The following GCNT4 variants were observed in gnomAD, a reference collection of about 807,000 sequenced individuals.
GCNT4 encodes the protein glucosaminyl (N-acetyl) transferase 4.
Under a neutral mutation model 31.3 loss-of-function variants are expected in GCNT4, and 17 were observed. The ratio of observed to expected loss-of-function variants is 0.54; its 90% confidence interval spans 0.37 to 0.81. The LOEUF (loss-of-function observed/expected upper bound fraction) is 0.81, where lower values mean the gene tolerates loss of function less well. Among genes scored for constraint, GCNT4 ranks in the 40% least tolerant of loss-of-function variants. The probability of loss-of-function intolerance (pLI) is 0.00; values close to 1 mark genes in which losing one functional copy is unlikely to be tolerated. For synonymous variants in GCNT4, 158 were observed against 190.6 expected (o/e 0.83, Z 1.41); for missense variants, 503 against 525.5 (o/e 0.96, Z 0.42).
downstream of GCNT4, among the ~76,000 whole-genome samples, chr5:75,020,538 G>C (rs541054639): frequency 3.5e-4 from 53 of 152,104 alleles, no homozygotes; most frequent in Non-Finnish European, 4.6e-4. Flanking sequence ...GCTGATGAGA[G>C]AGCTGCTGAA....
chr5:75,031,077 CTCTT>C (rs973866154), intron 3 of GCNT4, among the ~76,000 whole-genome samples: 2 of 148,720 alleles, frequency 1.3e-5, no homozygotes, highest in South Asian at 2.1e-4. Context: ...AACTTTTTCT[CTCTT>C]TTTTTTTTTT....
At chr5:75,018,624 A>G in the GCNT4 span, among the ~76,000 whole-genome samples, 1 of 152,248 alleles carries the variant, frequency 6.6e-6, no homozygotes, top group African/African-American at 2.4e-5. Context: ...GGAGTGAATT[A>G]GATCTTCTGA....
chr5:75,032,874 T>TGGGG (rs1554062288), intron 3 of GCNT4, among the ~76,000 whole-genome samples: 58 of 46,678 alleles, frequency 1.2e-3, no homozygotes, highest in East Asian at 4.1e-3. Context: ...CAAATAGGGG[T>TGGGG]GTGTGTGTGT....
intron 2 of GCNT4, among the ~76,000 whole-genome samples, chr5:75,051,648 G>GT (rs1198917547): frequency 6.6e-6 from 1 of 152,204 alleles, no homozygotes; most frequent in Non-Finnish European, 1.5e-5. Flanking sequence ...GGAAGCACCT[G>GT]TATTTATGGC....
intron 3 of GCNT4, among the ~76,000 whole-genome samples, chr5:75,037,652 A>C (rs922949734): frequency 6.6e-6 from 1 of 152,032 alleles, no homozygotes; most frequent in Non-Finnish European, 1.5e-5. Flanking sequence ...GCCTGAGTGC[A>C]GATCACCTGA....
At chr5:75,034,817 C>T (rs1446344083) in intron 3 of GCNT4, among the ~76,000 whole-genome samples, 3 of 152,254 alleles carry the variant, frequency 2.0e-5, no homozygotes, top group South Asian at 2.1e-4. Context: ...TTGAATGAGG[C>T]ATTTCCCTCA....
At chr5:75,053,365 T>C (rs1260203490), upstream of GCNT4, among the ~76,000 whole-genome samples, 3 of 152,034 alleles carry the variant, frequency 2.0e-5, no homozygotes, top group South Asian at 2.1e-4. Flanking sequence ...CGCCTGGAGA[T>C]GGACGCGGCG....
At chr5:75,020,243 G>T in the GCNT4 span, among the ~76,000 whole-genome samples, 1 of 152,240 alleles carries the variant, frequency 6.6e-6, no homozygotes, top group South Asian at 2.1e-4. Flanking sequence ...CTGCCCTGCA[G>T]ATGCTGTGCA....
In GCNT4 at chr5:75,029,175, G is replaced by C; in HGVS notation, c.863C>G (p.Ser288Cys). 6.2e-7 allele frequency: 1 copy of C among 1,613,876 alleles called. No individual in the cohort carries two copies. The highest frequency in any genetic ancestry group is 8.5e-7 in the Non-Finnish European group (1 of 1,180,010). The change falls in exon 4 of 4, where the codon TCC (serine) becomes TGC (cysteine). Residue 288 changes from serine to cysteine, a missense_variant. Coordinates refer to ENST00000652361, the MANE Select transcript of GCNT4 (RefSeq NM_001366737.1). ...AATGTTATGGGGGGGTGCTTCCTTG[G>C]AGATGTTTGTCCTTATTGGTAGCTT... ...YVKLPIRTNI[S>C]KEAPPHNIQI... is the part of the protein sequence containing the mutation.
At chr5:75,052,254 A>G (rs2149982023) in intron 1 of GCNT4, 27 bp from the exon 2 acceptor site, 1 of 148,616 alleles carries the variant, frequency 6.7e-6, no homozygotes, top group South Asian at 2.1e-4. Flanking sequence ...CAAAAAAAAA[A>G]AAAAAAAGAA....
intron 3 of GCNT4, among the ~76,000 whole-genome samples, chr5:75,038,894 C>A (rs1278673054): frequency 6.6e-6 from 1 of 152,112 alleles, no homozygotes; most frequent in East Asian, 1.9e-4. Flanking sequence ...CCCAACTGCC[C>A]CTATTCAGGT....
chr5:75,042,540 C>T lies in GCNT4; in HGVS notation c.-2+5357G>A, dbSNP rs561968434. ...TGCATTTAAAGTAGAATCTCCATGTCCATCGCAGAGGCAGCACAGGGATAA... is the reference window on the plus strand; with the variant it reads ...TGCATTTAAAGTAGAATCTCCATGTTCATCGCAGAGGCAGCACAGGGATAA... On this transcript the variant is annotated intron_variant, in intron 3 of 3. Transcript: ENST00000652361. Among the ~76,000 whole-genome samples, 27 of 152,294 alleles carry T rather than the reference C, an allele frequency of 1.8e-4. No homozygotes were observed. The South Asian group carries it at 5.6e-3, about 32-fold the overall frequency.
chr5:75,032,698 T>C (rs1385270233), intron 3 of GCNT4, among the ~76,000 whole-genome samples: 1 of 152,066 alleles, frequency 6.6e-6, no homozygotes, highest in African/African-American at 2.4e-5. Flanking sequence ...CTGAACAGGG[T>C]CCCATCACTC....
intron 3 of GCNT4, among the ~76,000 whole-genome samples, chr5:75,043,506 C>G (rs778727223): frequency 6.6e-6 from 1 of 152,114 alleles, no homozygotes; most frequent in Non-Finnish European, 1.5e-5. Context: ...CCTATAGGAG[C>G]CTGATTCAGG....
intron 3 of GCNT4, among the ~76,000 whole-genome samples, chr5:75,035,486 C>T (rs1408832929): frequency 6.6e-6 from 1 of 152,156 alleles, no homozygotes; most frequent in Non-Finnish European, 1.5e-5. Flanking sequence ...AGACCTTGGG[C>T]CTGAGTCCCT....
At chr5:75,019,738 A>C in the GCNT4 span, among the ~76,000 whole-genome samples, 1 of 152,262 alleles carries the variant, frequency 6.6e-6, no homozygotes, top group East Asian at 1.9e-4. Flanking sequence ...ATATTTAGTA[A>C]TATACACAAG....
chr5:75,033,668 TA>T lies in GCNT4; in HGVS notation c.-1-3631del, dbSNP rs900944337. Among the ~76,000 whole-genome samples the T allele has an allele frequency of 1.2e-4, 17 of 147,780 alleles. 1 individual carries two copies. The highest frequency in any genetic ancestry group is 4.0e-4 in the Admixed American group (6 of 15,044). On this transcript the variant is annotated intron_variant, in intron 3 of 3. Transcript: ENST00000652361. ...CCAGAAATCCCTTTATTTATTTATTTATTTATTTTTTTTTTTTTACTTTAAG... is the reference window on the plus strand; with the variant it reads ...CCAGAAATCCCTTTATTTATTTATTTTTTATTTTTTTTTTTTTACTTTAAG...
chr5:75,028,688 A>C lies in GCNT4; in HGVS notation c.1350T>G (p.Thr450=). The change falls in exon 4 of 4, where the codon ACT becomes ACG. Residue 450 remains threonine (T), a synonymous_variant. Coordinates refer to ENST00000652361, the MANE Select transcript of GCNT4 (RefSeq NM_001366737.1). ...CCTGATTTTACTATCATGATGTGGT[A>C]GTGAGATTTCTATCCATAAATAACT... ...SEKLFMDRNL[T]TTS 6.2e-7 allele frequency: 1 copy of C among 1,611,274 alleles called. No individual in the cohort carries two copies. The highest frequency in any genetic ancestry group is 8.5e-7 in the Non-Finnish European group (1 of 1,178,854).
At chr5:75,021,641 G>A (rs919479710), downstream of GCNT4, among the ~76,000 whole-genome samples, 4 of 152,194 alleles carry the variant, frequency 2.6e-5, no homozygotes, top group Non-Finnish European at 4.4e-5. Flanking sequence ...TGTTTCCCCA[G>A]TTTTTATTTC....
Sources: allele counts gnomAD v4.1 joint callset (sites outside exome capture counted in the v4.1 genomes callset), GRCh38; gene constraint gnomAD v4.1.1; transcripts MANE v1.5; gene names NCBI Gene and HGNC (gene_info 2026-07-23, HGNC 2026-07-21).